Variants in FGF23 observed in about 807,000 individuals in gnomAD.
FGF23 encodes phosphatonin.
FGF23 carries 8 observed loss-of-function variants against 9.0 expected under a neutral mutation model. The ratio of observed to expected loss-of-function variants is 0.89; its 90% confidence interval spans 0.52 to 1.60. The LOEUF (loss-of-function observed/expected upper bound fraction) is 1.60. Ranked by LOEUF, FGF23 falls within the 40% of genes most tolerant of loss-of-function variation. FGF23 has a pLI of 0.00. For synonymous variants in FGF23, 118 were observed against 146.2 expected (o/e 0.81, Z 1.39); for missense variants, 311 against 344.3 (o/e 0.90, Z 0.77).
Position 4,372,585 on chromosome 12 carries a change from G to T in FGF23, c.315+9C>A, listed in dbSNP as rs760118913. ...TGCAAATGGTGACCAACACAAAAAA[G>T]AAACTCACTGATCCAAAAATGTTGC... On this transcript the variant is annotated intron_variant, in intron 2 of 2. Coordinates refer to ENST00000237837, the MANE Select transcript of FGF23 (RefSeq NM_020638.3). 6 of 1,552,116 alleles carry T rather than the reference G, an allele frequency of 3.9e-6. No homozygotes were observed. Among genetic ancestry groups the T allele is most frequent in the African/African-American group, 2.7e-5 (2 of 73,738 alleles).
rs1865053547 is a variant in FGF23, at chr12:4,370,633, G to C, written c.466C>G (p.Gln156Glu). 1 of 1,614,176 alleles carries C rather than the reference G, an allele frequency of 6.2e-7. No individual in the cohort carries two copies. The highest frequency in any genetic ancestry group is 8.5e-7 in the Non-Finnish European group (1 of 1,180,014). The change falls in exon 3 of 3, where the codon CAG becomes GAG. Residue 156 changes from glutamine (Q) to glutamate (E), a missense_variant. Coordinates refer to ENST00000237837, the MANE Select transcript of FGF23 (RefSeq NM_020638.3). Reference sequence around the variant, plus strand: ...ATCTCGTTCCTCCGGGACAGGAACTGGGAGTACGGGGGTGGGTTCATGCCT... The same window carrying C: ...ATCTCGTTCCTCCGGGACAGGAACTCGGAGTACGGGGGTGGGTTCATGCCT... The part of the protein sequence containing the change: ...LPGMNPPPYS[Q>E]FLSRRNEIPL...
chr12:4,372,030 C>T (rs931724864), intron 2 of FGF23, among the ~76,000 whole-genome samples: 4 of 151,458 alleles, frequency 2.6e-5, no homozygotes, highest in Non-Finnish European at 5.9e-5. Context: ...TTTGTAGGGA[C>T]ATGGATGAAA....
At chr12:4,372,338 A>AT (rs1865073195) in intron 2 of FGF23, among the ~76,000 whole-genome samples, 1 of 151,914 alleles carries the variant, frequency 6.6e-6, no homozygotes, top group Non-Finnish European at 1.5e-5. Context: ...ATAAAAAAAA[A>AT]AAGTGGGTTC....
At chr12:4,378,813 G>C (rs977166549) in intron 1 of FGF23, among the ~76,000 whole-genome samples, 1 of 152,010 alleles carries the variant, frequency 6.6e-6, no homozygotes, top group African/African-American at 2.4e-5. Flanking sequence ...TTGTATACTT[G>C]GCCATTCTCA....
In FGF23 at chr12:4,370,531, G is replaced by C. The variant is rs1565456061; in HGVS notation, c.568C>G (p.Leu190Val). ...CGGGCCCGGGGCTTCAGCACGTTCA[G>C]GGGGTCCCGCTCCGAGTCGTCCTCG... is the stretch of plus-strand genomic sequence containing the variant. ...SAEDDSERDP[L>V]NVLKPRARMT... Residue 190 changes from leucine (L) to valine (V), a missense_variant, in exon 3 of 3, where the codon CTG (leucine) becomes GTG (valine). By Grantham distance (32) the Leu-to-Val change is conservative. This residue lies in a region of FGF23 where 206 missense variants were observed against 219.2 expected (regional missense o/e 0.94). Transcript: ENST00000237837. 1.2e-6 allele frequency: 2 copies of C among 1,612,804 alleles called. No individual in the cohort carries two copies. The highest frequency in any genetic ancestry group is 1.7e-5 in the Admixed American group (1 of 59,976).
intron 2 of FGF23, 26 bp downstream of exon 2, chr12:4,372,568 G>C (rs376665375): frequency 3.7e-6 from 5 of 1,361,774 alleles, no homozygotes; most frequent in Non-Finnish European, 5.3e-6. Flanking sequence ...TTTGCAAATG[G>C]TGACCAACAC....
rs1865040089 is a variant in FGF23, at chr12:4,369,855, A to T, written c.*488T>A. ...GTTAATGTCAAGGTTTGCACACTCA[A>T]ATGCCAGTGGGATCGGGGCATCTAA... On this transcript the variant is annotated 3_prime_UTR_variant, in exon 3 of 3. Coordinates refer to ENST00000237837, the MANE Select transcript of FGF23 (RefSeq NM_020638.3). 4.3e-6 allele frequency: 1 copy of T among 233,310 alleles called. No individual in the cohort carries two copies. The highest frequency in any genetic ancestry group is 2.2e-5 in the African/African-American group (1 of 45,176). 14.5% of individuals were successfully genotyped at this position (233,310 alleles called of 1,614,324 possible).
intron 1 of FGF23, among the ~76,000 whole-genome samples, chr12:4,377,712 G>T (rs552307063): frequency 1.2e-4 from 8 of 66,084 alleles, no homozygotes; most frequent in Admixed American, 2.4e-4. Context: ...TTACAGGCGT[G>T]AGCCACCACA....
intron 1 of FGF23, among the ~76,000 whole-genome samples, chr12:4,379,086 T>C (rs1865148984): frequency 6.6e-6 from 1 of 152,178 alleles, no homozygotes. Context: ...AAAGGGAACA[T>C]GGCTCCTACT....
intron 1 of FGF23, 35 bp from the exon 2 acceptor site, chr12:4,372,732 G>T: frequency 7.2e-7 from 1 of 1,380,848 alleles, no homozygotes; most frequent in Non-Finnish European, 1.0e-6. Flanking sequence ...AAGACTCATT[G>T]CCATCCAATT....
Position 4,379,491 on chromosome 12 carries a change from A to G in FGF23, c.92T>C (p.Leu31Pro), listed in dbSNP as rs748908993. The change falls in exon 1 of 3, where the codon CTG (leucine) becomes CCG (proline). Residue 31 changes from leucine to proline, a missense_variant. By Grantham distance (98) the Leu-to-Pro change is moderately conservative. Coordinates refer to ENST00000237837, the MANE Select transcript of FGF23 (RefSeq NM_020638.3). ...VLRAYPNASP[L>P]LGSSWGGLIH... ...CAGGCCACCCCAGCTGGAGCCGAGC[A>G]GTGGGGAGGCATTGGGATAGGCTCT... The G allele has an allele frequency of 6.2e-7, 1 of 1,613,242 alleles. No individual in the cohort carries two copies. The highest frequency in any genetic ancestry group is 8.5e-7 in the Non-Finnish European group (1 of 1,180,012).
rs1305332156 is a variant in FGF23 at position 4,371,905 on chromosome 12, T to TC, written c.315+688dup. ...CTACATACCAGGGCCTGTGCTAGAT[T>TC]CAAAAGTGGGTTCCACAACCCAAAT... is the stretch of plus-strand genomic sequence containing the variant. On this transcript the variant is annotated intron_variant, in intron 2 of 2. Coordinates refer to ENST00000237837, the MANE Select transcript of FGF23 (RefSeq NM_020638.3). Among the ~76,000 whole-genome samples, 7 of 152,044 alleles carry TC rather than the reference T, an allele frequency of 4.6e-5. No individual in the cohort carries two copies. The East Asian group carries it at 1.2e-3, about 25-fold the overall frequency.
At chr12:4,374,309 A>G (rs941085498) in intron 1 of FGF23, among the ~76,000 whole-genome samples, 2 of 152,160 alleles carry the variant, frequency 1.3e-5, no homozygotes, top group South Asian at 2.1e-4. Context: ...TCTCAAATGT[A>G]TGGCTAGTTT....
chr12:4,372,517 C>T, intron 2 of FGF23, 77 bp downstream of exon 2: 1 of 902,572 alleles, frequency 1.1e-6, no homozygotes, highest in Middle Eastern at 2.2e-4. Context: ...AATTGTTAAG[C>T]TAGAAAAGTC....
intron 1 of FGF23, among the ~76,000 whole-genome samples, chr12:4,373,139 T>C (rs1313709355): frequency 6.6e-6 from 1 of 152,256 alleles, no homozygotes; most frequent in Non-Finnish European, 1.5e-5. Flanking sequence ...TAGAGTCTGA[T>C]TCTCCTCCTG....
Position 4,379,519 on chromosome 12 carries a change from G to A in FGF23, c.64C>T (p.Leu22Phe), listed in dbSNP as rs376694108. ...ALCSVCSMSV[L>F]RAYPNASPLL... ...GGGGAGGCATTGGGATAGGCTCTGAGGACGCTCATGCTGCAGACGCTGCAC... is the reference window on the plus strand; with the variant it reads ...GGGGAGGCATTGGGATAGGCTCTGAAGACGCTCATGCTGCAGACGCTGCAC... Residue 22 changes from leucine to phenylalanine, a missense_variant, in exon 1 of 3, where the codon CTC (leucine) becomes TTC (phenylalanine). Transcript: ENST00000237837. The A allele has an allele frequency of 1.1e-5, 17 of 1,612,512 alleles. No individual in the cohort carries two copies. Among genetic ancestry groups the A allele is most frequent in the Non-Finnish European group, 1.4e-5 (16 of 1,180,022 alleles).
chr12:4,377,830 G>A lies in FGF23; in HGVS notation c.211+1542C>T, dbSNP rs938776235. ...AGTGAGCTGGCTGACAAGGTAGGACGACAGACCATGAGGTCCTTGAAGGGT... is the reference window on the plus strand; with the variant it reads ...AGTGAGCTGGCTGACAAGGTAGGACAACAGACCATGAGGTCCTTGAAGGGT... On this transcript the variant is annotated intron_variant, in intron 1 of 2. Coordinates refer to ENST00000237837, the MANE Select transcript of FGF23 (RefSeq NM_020638.3). Among the ~76,000 whole-genome samples the A allele has an allele frequency of 3.3e-5, 5 of 152,306 alleles. No individual in the cohort carries two copies. The South Asian group carries it at 8.3e-4, about 25-fold the overall frequency.
rs1286198805 is a variant in FGF23 at position 4,368,354 on chromosome 12, C to G, written c.*1989G>C. On this transcript the variant is annotated 3_prime_UTR_variant, in exon 3 of 3. Coordinates refer to ENST00000237837, the MANE Select transcript of FGF23 (RefSeq NM_020638.3). ...TCTAAAATCTTTTTTTCAATTTTGC[C>G]TTCTCTGGATTTCCCTAATGTTCCC... 1 of 179,510 alleles carries G rather than the reference C, an allele frequency of 5.6e-6. No homozygotes were observed. Among genetic ancestry groups the G allele is most frequent in the Non-Finnish European group, 1.2e-5 (1 of 84,020 alleles). The allele number at this position is 179,510 out of a possible 1,614,324, so 11.1% of individuals were successfully genotyped here. A position where few individuals can be genotyped will look rare whatever the true frequency, so the allele number is the denominator to read the frequency against.
intron 1 of FGF23, among the ~76,000 whole-genome samples, chr12:4,375,078 C>T (rs1865103484): frequency 6.6e-6 from 1 of 152,158 alleles, no homozygotes; most frequent in African/African-American, 2.4e-5. Flanking sequence ...CCCAATTGTG[C>T]CACTTGCTGA....
Sources: gnomAD v4.1 joint callset for allele counts (sites outside exome capture counted in the v4.1 genomes callset) on GRCh38, gnomAD v4.1.1 for gene constraint, gnomAD v4.1.1 regional missense constraint, MANE v1.5 for transcripts, NCBI Gene and HGNC (gene_info 2026-07-23, HGNC 2026-07-21) for gene names.